The following AFG1L variants were observed in gnomAD, a reference collection of about 807,000 sequenced individuals.
The protein encoded by AFG1L is AFG1-like ATPase.
AFG1L carries 53 observed loss-of-function variants against 62.2 expected under a neutral mutation model. The ratio of observed to expected loss-of-function variants is 0.85; its 90% confidence interval spans 0.68 to 1.07. The LOEUF (loss-of-function observed/expected upper bound fraction) is 1.07, where lower values mean the gene tolerates loss of function less well. Ranked by LOEUF, AFG1L falls within the 50% of genes least tolerant of loss-of-function variation. The probability of loss-of-function intolerance (pLI) is 0.00; values close to 1 mark genes in which losing one functional copy is unlikely to be tolerated. For synonymous variants in AFG1L, 228 were observed against 210.3 expected, an observed-to-expected ratio of 1.08 and a Z score of -0.73; for missense variants, 555 against 590.5, an observed-to-expected ratio of 0.94 and a Z score of 0.62.
chr6:108,493,776 A>G (rs1253410561), intron 10 of AFG1L, among the ~76,000 whole-genome samples: 1 of 152,198 alleles, frequency 6.6e-6, no homozygotes, highest in Non-Finnish European at 1.5e-5. Context: ...ATTGATGCTT[A>G]CATTTAGCGA....
At chr6:108,519,156 C>G (rs187593922) in intron 11 of AFG1L, among the ~76,000 whole-genome samples, 4 of 152,266 alleles carry the variant, frequency 2.6e-5, no homozygotes, top group East Asian at 1.9e-4. Flanking sequence ...CACCAGAGGG[C>G]ACAAATGTTG....
At chr6:108,439,808 A>G (rs2114732325) in intron 7 of AFG1L, among the ~76,000 whole-genome samples, 1 of 152,348 alleles carries the variant, frequency 6.6e-6, no homozygotes, top group Non-Finnish European at 1.5e-5. Flanking sequence ...TACTTTAAAT[A>G]TGACTCAAAC....
intron 7 of AFG1L, among the ~76,000 whole-genome samples, chr6:108,410,306 C>CA (rs531126125): frequency 0.054 from 7,475 of 139,668 alleles, 613 homozygotes; most frequent in African/African-American, 0.18. Context: ...CTCTGTCTTC[C>CA]AAAAAAAAAA....
intron 7 of AFG1L, among the ~76,000 whole-genome samples, chr6:108,434,009 C>G (rs1207723014): frequency 6.6e-6 from 1 of 152,176 alleles, no homozygotes; most frequent in African/African-American, 2.4e-5. Flanking sequence ...TAGCCTTTGA[C>G]AAAGACCAAG....
At chr6:108,446,426 C>A (rs530412816) in intron 7 of AFG1L, among the ~76,000 whole-genome samples, 1 of 150,842 alleles carries the variant, frequency 6.6e-6, no homozygotes, top group African/African-American at 2.4e-5. Context: ...CCTACGACAT[C>A]ATTCTAGTTT....
In AFG1L at chr6:108,406,626, T is replaced by TG. The variant is rs539492528; in HGVS notation, c.807+4576dup. On this transcript the variant is annotated intron_variant, in intron 7 of 12. Coordinates refer to ENST00000368977, the MANE Select transcript of AFG1L (RefSeq NM_145315.5). ...CTAATTTTTGTATTTTTGGTAGAGA[T>TG]GGGGTTTCACCATGTTGGCCAGGCT... is the stretch of plus-strand genomic sequence containing the variant. Among the ~76,000 whole-genome samples, 199 of 152,110 alleles carry TG rather than the reference T, an allele frequency of 1.3e-3. 1 individual carries two copies. The highest frequency in any genetic ancestry group is 3.4e-3 in the Middle Eastern group (1 of 294).
chr6:108,320,263 C>A (rs1417217340), intron 1 of AFG1L, among the ~76,000 whole-genome samples: 1 of 152,042 alleles, frequency 6.6e-6, no homozygotes, highest in East Asian at 1.9e-4. Flanking sequence ...TTGATTTGAC[C>A]TAAAATAGTG....
At chr6:108,518,466 C>T (rs1774987872) in intron 11 of AFG1L, among the ~76,000 whole-genome samples, 1 of 129,374 alleles carries the variant, frequency 7.7e-6, no homozygotes, top group South Asian at 2.3e-4. Flanking sequence ...CACATGGACA[C>T]ATGAAGGGGA....
intron 10 of AFG1L, among the ~76,000 whole-genome samples, chr6:108,497,799 T>G (rs1466536401): frequency 2.0e-5 from 3 of 152,210 alleles, no homozygotes; most frequent in Non-Finnish European, 2.9e-5. Context: ...GGGCTGGACT[T>G]GCTAATGACT....
chr6:108,496,982 C>T (rs1329847170), intron 10 of AFG1L, among the ~76,000 whole-genome samples: 5 of 152,030 alleles, frequency 3.3e-5, no homozygotes, highest in Non-Finnish European at 7.4e-5. Flanking sequence ...ATCAATGTGC[C>T]TTAATTTATT....
Position 108,347,043 on chromosome 6 carries a change from AGTGT to A in AFG1L, c.415+7_415+10del. The A allele has an allele frequency of 6.2e-7, 1 of 1,613,058 alleles. No homozygotes were observed. The highest frequency in any genetic ancestry group is 8.5e-7 in the Non-Finnish European group (1 of 1,179,302). On this transcript the variant is annotated splice_donor_5th_base_variant and intron_variant, in intron 3 of 12. Transcript: ENST00000368977. ...CTGTATGTTTATGGAGATGTTGGTA[AGTGT>A]GTTAAAATAAGTTTTGGGTGGGCAA...
intron 2 of AFG1L, among the ~76,000 whole-genome samples, chr6:108,328,662 T>C (rs1489617507): frequency 6.6e-6 from 1 of 151,934 alleles, no homozygotes; most frequent in Admixed American, 6.6e-5. Context: ...CCCAGCCTCC[T>C]GGAAATATAT....
chr6:108,465,094 A>G (rs909922247), intron 8 of AFG1L, among the ~76,000 whole-genome samples: 11 of 152,202 alleles, frequency 7.2e-5, no homozygotes, highest in Non-Finnish European at 1.5e-4. Context: ...GATCATTTTT[A>G]TGCTACCCAG....
At chr6:108,489,822 C>A (rs1319147496) in intron 10 of AFG1L, among the ~76,000 whole-genome samples, 7 of 152,088 alleles carry the variant, frequency 4.6e-5, no homozygotes, top group Non-Finnish European at 1.5e-5. Flanking sequence ...AAATTTAGGA[C>A]TGAAGATAAA....
intron 8 of AFG1L, among the ~76,000 whole-genome samples, chr6:108,464,932 A>G (rs1274034304): frequency 6.6e-6 from 1 of 152,198 alleles, no homozygotes; most frequent in Non-Finnish European, 1.5e-5. Flanking sequence ...GTAGCATCCC[A>G]CTGATGGGGC....
At position 108,510,252 on chromosome 6, in the gene AFG1L, T is replaced by G. The variant is rs1489355359; in HGVS notation, c.1103T>G (p.Phe368Cys). The change falls in exon 11 of 13, where the codon TTT (phenylalanine) becomes TGT (cysteine). Residue 368 changes from phenylalanine to cysteine, a missense_variant. Physicochemically the swap from Phe to Cys is radical, Grantham distance 205. Coordinates refer to ENST00000368977, the MANE Select transcript of AFG1L (RefSeq NM_145315.5). Reference protein sequence around the residue: ...ASDYLELSKNFDTIFLRNIPQ... With the variant: ...ASDYLELSKNCDTIFLRNIPQ... ...GACTATTTGGAACTATCAAAGAATT[T>G]TGATACAATATTTTTACGAAACATT... 1.2e-6 allele frequency: 2 copies of G among 1,612,264 alleles called. No homozygotes were observed. Among genetic ancestry groups the G allele is most frequent in the East Asian group, 4.5e-5 (2 of 44,868 alleles).
intron 8 of AFG1L, among the ~76,000 whole-genome samples, chr6:108,472,967 A>C (rs1441524892): frequency 6.6e-6 from 1 of 151,638 alleles, no homozygotes; most frequent in South Asian, 2.1e-4. Context: ...CATGCCGGCT[A>C]ATTTTTGTAT....
At chr6:108,480,563 C>T (rs1294791194) in intron 10 of AFG1L, among the ~76,000 whole-genome samples, 3 of 151,980 alleles carry the variant, frequency 2.0e-5, no homozygotes, top group Non-Finnish European at 2.9e-5. Flanking sequence ...TTTGGGAGGC[C>T]GAGGCAGGCG....
rs767035279 is a variant in AFG1L at position 108,356,781 on chromosome 6, C to T, written c.609C>T (p.Ile203=). Residue 203 remains isoleucine, a synonymous_variant, in exon 5 of 13, where the codon ATC becomes ATT. Transcript: ENST00000368977. ...YDPIAPIAEE[I]SEEACLLCFD... is the part of the protein sequence containing the mutation. ...CAATAGCTCCCATAGCCGAAGAAAT[C>T]AGCGAAGAAGCATGTCTCCTATGTT... The T allele has an allele frequency of 6.2e-7, 1 of 1,613,308 alleles. No homozygotes were observed. Among genetic ancestry groups the T allele is most frequent in the South Asian group, 1.1e-5 (1 of 90,860 alleles).
Sources: allele counts gnomAD v4.1 joint callset (sites outside exome capture counted in the v4.1 genomes callset), GRCh38; gene constraint gnomAD v4.1.1; transcripts MANE v1.5; gene names NCBI Gene and HGNC (gene_info 2026-07-23, HGNC 2026-07-21).